The following NCOR1 variants were observed in gnomAD, a reference collection of about 807,000 sequenced individuals.
NCOR1 encodes the protein protein phosphatase 1, regulatory subunit 109.
Under a neutral mutation model 288.1 loss-of-function variants are expected in NCOR1, and 63 were observed. The ratio of observed to expected loss-of-function variants is 0.22; its 90% CI spans 0.18 to 0.27. The LOEUF is 0.27. NCOR1 is among the 10% of genes least tolerant of loss of function. NCOR1 has a pLI of 1.00. For missense variants in NCOR1, 2,397 were observed against 3,019.2 expected (o/e 0.79, Z 4.83); for synonymous variants, 1,007 against 1,065.9 (o/e 0.94, Z 1.08).
intron 21 of NCOR1, among the ~76,000 whole-genome samples, chr17:16,092,666 TATATATATATATATATATATATATATA>T (rs2065445942): frequency 2.1e-4 from 3 of 14,304 alleles, no homozygotes; most frequent in African/African-American, 8.1e-4. Context: ...TATATATATA[TATATATATATATATATATATATATATA>T]TATTTTTTTT....
chr17:16,133,003 C>T, intron 14 of NCOR1, among the ~76,000 whole-genome samples: 1 of 151,106 alleles, frequency 6.6e-6, no homozygotes, highest in Non-Finnish European at 1.5e-5. Context: ...GGGTCTTGCT[C>T]TGTCACCCAG....
intron 22 of NCOR1, among the ~76,000 whole-genome samples, chr17:16,090,030 T>C (rs2064927553): frequency 6.6e-6 from 1 of 151,822 alleles, no homozygotes; most frequent in Non-Finnish European, 1.5e-5. Context: ...GATTAAAAAT[T>C]AGGATACCAC....
intron 1 of NCOR1, among the ~76,000 whole-genome samples, chr17:16,211,263 ATT>A (rs34875420): frequency 5.4e-5 from 8 of 147,548 alleles, no homozygotes; most frequent in African/African-American, 2.0e-4. Context: ...ATTTTTATTT[ATT>A]TTTTTTTTTG....
intron 1 of NCOR1, among the ~76,000 whole-genome samples, chr17:16,200,532 T>C (rs1440487149): frequency 8.1e-6 from 1 of 123,256 alleles, no homozygotes; most frequent in Non-Finnish European, 1.7e-5. Flanking sequence ...GCTAAAAATA[T>C]ACTTCACTGT....
At chr17:16,083,660 C>T (rs192429575) in intron 23 of NCOR1, among the ~76,000 whole-genome samples, 4 of 151,158 alleles carry the variant, frequency 2.6e-5, no homozygotes, top group Non-Finnish European at 4.4e-5. Context: ...GAAACATCCT[C>T]GTAAAATAGT....
At chr17:16,197,803 C>T (rs200585221) in intron 1 of NCOR1, among the ~76,000 whole-genome samples, 3 of 152,048 alleles carry the variant, frequency 2.0e-5, no homozygotes, top group South Asian at 2.1e-4. Context: ...CATGTGGCAT[C>T]GTGAGGAGGG....
chr17:16,067,391 G>A (rs1157526796), intron 32 of NCOR1, among the ~76,000 whole-genome samples: 1 of 151,948 alleles, frequency 6.6e-6, no homozygotes, highest in East Asian at 1.9e-4. Context: ...TTCAAAGGCT[G>A]GAAAAAAAAT....
intron 14 of NCOR1, among the ~76,000 whole-genome samples, chr17:16,132,960 CTCTT>C (rs2075872202): frequency 6.7e-6 from 1 of 148,496 alleles, no homozygotes; most frequent in African/African-American, 2.5e-5. Flanking sequence ...CCTTCCTTTT[CTCTT>C]TCTCTCTTCT....
intron 19 of NCOR1, among the ~76,000 whole-genome samples, chr17:16,103,028 C>T (rs1266862681): frequency 6.6e-6 from 1 of 152,172 alleles, no homozygotes; most frequent in Non-Finnish European, 1.5e-5. Context: ...AGATCTTTCC[C>T]CATATCGTTT....
Position 16,101,949 on chromosome 17 carries a change from A to G in NCOR1, c.2183-192T>C, listed in dbSNP as rs1001830514. ...AGTATTTACAGCCATTGAGAAGGCT[A>G]AAGTTTCCTACAGAGTATAAAAGTG... On this transcript the variant is annotated intron_variant, in intron 19 of 45. Transcript: ENST00000268712. 21 of 692,398 alleles carry G rather than the reference A, an allele frequency of 3.0e-5. No homozygotes were observed. The African/African-American group carries it at 3.4e-4, about 11-fold the overall frequency. 42.9% of individuals were successfully genotyped at this position (692,398 alleles called of 1,614,324 possible).
chr17:16,173,751 GA>G (rs1363231793), intron 3 of NCOR1, among the ~76,000 whole-genome samples: 11 of 152,054 alleles, frequency 7.2e-5, no homozygotes, highest in African/African-American at 2.4e-4. Flanking sequence ...CCAACATGGA[GA>G]AAAACCCATC....
chr17:16,202,163 G>A (rs1412787291), intron 1 of NCOR1, among the ~76,000 whole-genome samples: 1 of 150,334 alleles, frequency 6.7e-6, no homozygotes, highest in Non-Finnish European at 1.5e-5. Context: ...GGCAGAGGCT[G>A]CAGTGAGCAG....
intron 32 of NCOR1, among the ~76,000 whole-genome samples, chr17:16,066,677 C>T (rs948035206): frequency 6.6e-6 from 1 of 152,176 alleles, no homozygotes; most frequent in Non-Finnish European, 1.5e-5. Flanking sequence ...TCAGCTGACA[C>T]AATCTGGGAG....
intron 3 of NCOR1, among the ~76,000 whole-genome samples, chr17:16,174,873 C>T (rs2083806100): frequency 1.3e-5 from 2 of 152,078 alleles, no homozygotes; most frequent in African/African-American, 4.8e-5. Flanking sequence ...CCACATGACC[C>T]AGCAATTCCA....
intron 23 of NCOR1, among the ~76,000 whole-genome samples, chr17:16,084,565 G>C (rs1361357947): frequency 6.6e-6 from 1 of 152,102 alleles, no homozygotes; most frequent in African/African-American, 2.4e-5. Flanking sequence ...ATGATTTCAG[G>C]ACTTACAATA....
chr17:16,112,238 T>C (rs1429870048), intron 18 of NCOR1, among the ~76,000 whole-genome samples: 1 of 152,220 alleles, frequency 6.6e-6, no homozygotes, highest in African/African-American at 2.4e-5. Flanking sequence ...TTTTGGATGT[T>C]ACCTCCTGAA....
intron 6 of NCOR1, among the ~76,000 whole-genome samples, chr17:16,157,088 A>G (rs1317005734): frequency 1.3e-5 from 2 of 151,994 alleles, no homozygotes; most frequent in Admixed American, 1.3e-4. Flanking sequence ...GGAGCCCATG[A>G]GCCCACAAAA....
At chr17:16,063,995 C>T (rs1168780425) in intron 35 of NCOR1, 73 bp downstream of exon 35, 32 of 1,451,274 alleles carry the variant, frequency 2.2e-5, no homozygotes, top group South Asian at 6.0e-5. Context: ...ACTTTTTGTG[C>T]GCAGCATTAA....
At chr17:16,039,374 G>A (rs2057120970) in intron 44 of NCOR1, 59 bp downstream of exon 44, 1 of 1,523,778 alleles carries the variant, frequency 6.6e-7, no homozygotes, top group Non-Finnish European at 9.0e-7. Context: ...CAGAATTTGG[G>A]AAATAAACTG....
Sources: allele counts gnomAD v4.1 joint callset (sites outside exome capture counted in the v4.1 genomes callset), GRCh38; gene constraint gnomAD v4.1.1; transcripts MANE v1.5; gene names NCBI Gene and HGNC (gene_info 2026-07-23, HGNC 2026-07-21).